CAPN3: variants seen among roughly 807,000 people sequenced by gnomAD.
CAPN3 encodes the protein calpain-3.
A neutral mutation model predicts 114.0 loss-of-function variants in CAPN3; 88 were observed. That is an observed-to-expected ratio of 0.77 (90% CI 0.65 to 0.92). CAPN3 has a LOEUF of 0.92. Ranked by LOEUF, CAPN3 falls within the 40% of genes least tolerant of loss-of-function variation. CAPN3 has a pLI of 0.00. For missense variants in CAPN3, 1,028 were observed against 1,069.0 expected, an observed-to-expected ratio of 0.96 and a Z score of 0.53; for synonymous variants, 386 against 382.9, an observed-to-expected ratio of 1.01 and a Z score of -0.09.
rs563579142 is a variant in CAPN3 at position 42,402,719 on chromosome 15, C to G, written c.1537-75C>G. 2.5e-5 allele frequency: 40 copies of G among 1,584,480 alleles called. No homozygotes were observed. The African/African-American group carries it at 3.9e-4, about 15-fold the overall frequency. On this transcript the variant is annotated intron_variant, in intron 12 of 23. Coordinates refer to ENST00000397163, the MANE Select transcript of CAPN3 (RefSeq NM_000070.3). ...GTGACCAGGGAGTTGGGAAGGGACC[C>G]TTGGAGGTGGCTGTGGCAGGACAGG... is the stretch of plus-strand genomic sequence containing the variant.
intron 1 of CAPN3, among the ~76,000 whole-genome samples, chr15:42,375,800 A>G: frequency 6.6e-6 from 1 of 152,172 alleles, no homozygotes; most frequent in East Asian, 1.9e-4. Flanking sequence ...TAAATTAGCC[A>G]GTGTTAATAT....
At chr15:42,408,038 A>G (rs148745805) in intron 15 of CAPN3, among the ~76,000 whole-genome samples, 173 bp from the exon 16 acceptor site, 171 of 152,318 alleles carry the variant, frequency 1.1e-3, no homozygotes, top group African/African-American at 4.0e-3. Context: ...AAAGAACTGA[A>G]GTCACACGGC....
intron 8 of CAPN3, among the ~76,000 whole-genome samples, 169 bp from the exon 9 acceptor site, chr15:42,396,631 T>A (rs1039034555): frequency 7.9e-5 from 12 of 152,176 alleles, no homozygotes; most frequent in African/African-American, 2.7e-4. Flanking sequence ...GTCTTGAGGA[T>A]GTGAGAAGTC....
chr15:42,359,899 A>G lies in CAPN3; in HGVS notation c.94A>G (p.Thr32Ala). The G allele has an allele frequency of 6.2e-7, 1 of 1,614,236 alleles. No individual in the cohort carries two copies. Reference protein sequence around the residue: ...PVPHPAQSKATEAGGGNPSGI... With the variant: ...PVPHPAQSKAAEAGGGNPSGI... ...TCCTCACCCGGCCCAGAGCAAGGCCACTGAGGCTGGGGGTGGAAACCCAAG... is the reference window on the plus strand; with the variant it reads ...TCCTCACCCGGCCCAGAGCAAGGCCGCTGAGGCTGGGGGTGGAAACCCAAG... The change falls in exon 1 of 24, where the codon ACT (threonine) becomes GCT (alanine). Residue 32 changes from threonine (T) to alanine (A), a missense_variant. Transcript: ENST00000397163.
intron 1 of CAPN3, 66 bp from the exon 2 acceptor site, chr15:42,384,417 A>T: frequency 8.4e-7 from 1 of 1,190,894 alleles, no homozygotes; most frequent in Admixed American, 1.7e-5. Flanking sequence ...TCTCAAAAAA[A>T]TACCTATCTA....
chr15:42,367,138 AC>A (rs1482725147), intron 1 of CAPN3, among the ~76,000 whole-genome samples: 6 of 152,086 alleles, frequency 3.9e-5, no homozygotes, highest in African/African-American at 1.4e-4. Context: ...GGCCTCCCTC[AC>A]AGAATTCTTT....
At chr15:42,408,811 G>A in intron 16 of CAPN3, 1 of 295,064 alleles carries the variant, frequency 3.4e-6, no homozygotes, top group Non-Finnish European at 6.6e-6. Context: ...GACCAATCCA[G>A]GGCCCCTCTT....
intron 15 of CAPN3, 127 bp downstream of exon 15, chr15:42,406,070 C>A: frequency 2.3e-6 from 2 of 854,830 alleles, no homozygotes; most frequent in Non-Finnish European, 4.0e-6. Flanking sequence ...CCCCCTCCTT[C>A]CTGAGCTTCT....
At chr15:42,371,305 T>TG (rs986326315) in intron 1 of CAPN3, among the ~76,000 whole-genome samples, 22 of 152,184 alleles carry the variant, frequency 1.4e-4, no homozygotes, top group African/African-American at 4.3e-4. Context: ...CAGCTCCTCC[T>TG]GGGGGTCATG....
intron 17 of CAPN3, 131 bp downstream of exon 17, chr15:42,409,511 G>A: frequency 3.1e-6 from 3 of 961,018 alleles, no homozygotes; most frequent in Admixed American, 4.0e-5. Flanking sequence ...GGGGATGTGT[G>A]CGTAGCACAC....
At chr15:42,404,921 G>C in intron 14 of CAPN3, 1 of 1,002,966 alleles carries the variant, frequency 1.0e-6, no homozygotes, top group Non-Finnish European at 1.2e-6. Flanking sequence ...ATCAGGACCT[G>C]CAAACCCAAA....
Position 42,387,868 on chromosome 15 carries a change from T to C in CAPN3, c.614T>C (p.Leu205Pro), listed in dbSNP as rs1001356986. Residue 205 changes from leucine (L) to proline (P), a missense_variant, in exon 4 of 24, where the codon CTG (leucine) becomes CCG (proline). Leu to Pro is a moderately conservative substitution (Grantham distance 98). Transcript: ENST00000397163. ...CGCAATGAGTTCTGGAGTGCTCTGCTGGAGAAGGCTTATGCTAAGTAAGCA... is the reference window on the plus strand; with the variant it reads ...CGCAATGAGTTCTGGAGTGCTCTGCCGGAGAAGGCTTATGCTAAGTAAGCA... ...NHRNEFWSAL[L>P]EKAYAKLHGS... 1.9e-6 allele frequency: 3 copies of C among 1,614,046 alleles called. No homozygotes were observed. The African/African-American group carries it at 4.0e-5, about 22-fold the overall frequency.
At chr15:42,399,438 C>T (rs2053801546) in intron 9 of CAPN3, 54 bp from the exon 10 acceptor site, 1 of 1,429,622 alleles carries the variant, frequency 7.0e-7, no homozygotes, top group Admixed American at 1.7e-5. Flanking sequence ...TCTTCCGTTC[C>T]CAGCCCTCCT....
intron 3 of CAPN3, among the ~76,000 whole-genome samples, chr15:42,387,405 C>T (rs932893090): frequency 1.3e-5 from 2 of 152,204 alleles, no homozygotes; most frequent in African/African-American, 4.8e-5. Flanking sequence ...GCTGGGGGCA[C>T]CTGAGAGTGC....
chr15:42,392,550 C>T (rs748478762), intron 6 of CAPN3, 89 bp from the exon 7 acceptor site: 13 of 1,009,852 alleles, frequency 1.3e-5, no homozygotes, highest in Admixed American at 1.9e-5. Context: ...TCACAGAGCC[C>T]GGAAAATGAA....
intron 6 of CAPN3, among the ~76,000 whole-genome samples, chr15:42,392,317 C>G (rs951462901): frequency 6.6e-6 from 1 of 152,132 alleles, no homozygotes; most frequent in Admixed American, 6.5e-5. Context: ...CCAACTCTAC[C>G]CCTTCCTCCT....
intron 3 of CAPN3, 70 bp from the exon 4 acceptor site, chr15:42,387,683 A>C: frequency 2.5e-6 from 4 of 1,571,546 alleles, no homozygotes; most frequent in Non-Finnish European, 3.5e-6. Flanking sequence ...CCCCTGAGGA[A>C]TGTGGAGGAA....
Position 42,359,508 on chromosome 15 carries a change from TTCTC to T in CAPN3, c.-293_-290del. ...CACTGAAACACAACCCTCACTCTCT[TTCTC>T]TCTCCCTCTGGCATGCATGCTGCTG... On this transcript the variant is annotated 5_prime_UTR_variant, in exon 1 of 24. Transcript: ENST00000397163. 7.9e-7 allele frequency: 1 copy of T among 1,258,918 alleles called. No homozygotes were observed. Among genetic ancestry groups the T allele is most frequent in the South Asian group, 1.9e-5 (1 of 53,258 alleles). The allele number at this position is 1,258,918 out of a possible 1,614,324, so 78.0% of individuals were successfully genotyped here.
chr15:42,402,712 A>T, intron 12 of CAPN3, 82 bp from the exon 13 acceptor site: 1 of 1,583,160 alleles, frequency 6.3e-7, no homozygotes, highest in Non-Finnish European at 8.7e-7. Context: ...GGAGTTGGGA[A>T]GGGACCCTTG....
Sources: gnomAD v4.1 joint callset for allele counts (sites outside exome capture counted in the v4.1 genomes callset) on GRCh38, gnomAD v4.1.1 for gene constraint, MANE v1.5 for transcripts, NCBI Gene and HGNC (gene_info 2026-07-23, HGNC 2026-07-21) for gene names.